AKT3: variants seen among roughly 807,000 people sequenced by gnomAD.
AKT3 encodes AKT serine/threonine kinase 3, also known as RAC-gamma serine/threonine-protein kinase.
Under a neutral mutation model 65.3 loss-of-function variants are expected in AKT3, and 15 were observed. The observed-to-expected ratio is 0.23, with a 90% CI of 0.15 to 0.35. AKT3 has a LOEUF of 0.35. AKT3 is among the 10% of genes least tolerant of loss of function. AKT3 has a pLI of 1.00. For synonymous variants in AKT3, 206 were observed against 183.8 expected (o/e 1.12, Z -0.98); for missense variants, 243 against 576.5 (o/e 0.42, Z 5.92).
chr1:243,819,398 A>C (rs538564049), intron 2 of AKT3, among the ~76,000 whole-genome samples: 72 of 152,322 alleles, frequency 4.7e-4, no homozygotes, highest in African/African-American at 1.7e-3. Flanking sequence ...CTGCCTCTTC[A>C]GGCCAGATCC....
chr1:243,626,398 G>A (rs571932582), intron 6 of AKT3, among the ~76,000 whole-genome samples: 6 of 152,198 alleles, frequency 3.9e-5, no homozygotes, highest in East Asian at 1.9e-4. Context: ...CAATGGGAGC[G>A]CCTCTTAGTC....
chr1:243,831,238 TA>T (rs372457814), intron 2 of AKT3, among the ~76,000 whole-genome samples: 1 of 152,174 alleles, frequency 6.6e-6, no homozygotes, highest in Admixed American at 6.5e-5. Flanking sequence ...GTACAAAATA[TA>T]AAGTTGTATT....
At chr1:243,768,837 A>AAAC (rs893538248) in intron 2 of AKT3, among the ~76,000 whole-genome samples, 6 of 151,946 alleles carry the variant, frequency 3.9e-5, no homozygotes, top group African/African-American at 1.5e-4. Context: ...GCCACAAAAA[A>AAAC]AAAAAAAAAA....
chr1:243,837,679 A>G (rs563035180), intron 2 of AKT3, among the ~76,000 whole-genome samples: 76 of 152,338 alleles, frequency 5.0e-4, no homozygotes, highest in African/African-American at 1.8e-3. Context: ...AAATCTTTAG[A>G]AAAAACTGAC....
chr1:243,489,008 C>T lies in AKT3; in HGVS notation c.*7-558G>A, dbSNP rs373079768. 137 of 1,613,256 alleles carry T rather than the reference C, an allele frequency of 8.5e-5. No individual in the cohort carries two copies. Among genetic ancestry groups the T allele is most frequent in the Non-Finnish European group, 1.1e-4 (129 of 1,180,044 alleles). On this transcript the variant is annotated intron_variant, in intron 13 of 13. Transcript: ENST00000336199. Reference sequence around the variant, plus strand: ...CTCTTTAATTCTGCGGTGGATTTTTCTCCAGGCTAAGGCAGCTGGATAAGC... The same window carrying T: ...CTCTTTAATTCTGCGGTGGATTTTTTTCCAGGCTAAGGCAGCTGGATAAGC...
chr1:243,593,570 C>T (rs1291917214), intron 8 of AKT3, among the ~76,000 whole-genome samples: 2 of 151,994 alleles, frequency 1.3e-5, no homozygotes, highest in Non-Finnish European at 2.9e-5. Flanking sequence ...ACCTGTAGTC[C>T]CAGCTGCTTG....
chr1:243,729,230 A>G (rs9782883), intron 2 of AKT3, among the ~76,000 whole-genome samples: 39,581 of 152,024 alleles, frequency 0.26, 6,076 homozygotes, highest in African/African-American at 0.42. Context: ...AGGCAGTAGC[A>G]GAATGGGAAG....
chr1:243,547,252 T>TACAGCAGACA (rs1311913182), intron 11 of AKT3, among the ~76,000 whole-genome samples: 1 of 152,166 alleles, frequency 6.6e-6, no homozygotes, highest in Non-Finnish European at 1.5e-5. Flanking sequence ...TCCAAACAGA[T>TACAGCAGACA]ACAGCAGACA....
chr1:243,786,910 A>G (rs1175985016), intron 2 of AKT3, among the ~76,000 whole-genome samples: 2 of 152,188 alleles, frequency 1.3e-5, no homozygotes, highest in African/African-American at 2.4e-5. Context: ...GAAGAAAAGG[A>G]AATTAAAGAA....
intron 12 of AKT3, among the ~76,000 whole-genome samples, chr1:243,516,426 AGTTT>A (rs1395105315): frequency 6.6e-6 from 1 of 152,146 alleles, no homozygotes; most frequent in Admixed American, 6.5e-5. Context: ...TCAAAAGCCC[AGTTT>A]TCCTTTCATC....
At chr1:243,742,681 T>C (rs998181189) in intron 2 of AKT3, among the ~76,000 whole-genome samples, 14 of 152,134 alleles carry the variant, frequency 9.2e-5, no homozygotes, top group African/African-American at 2.9e-4. Flanking sequence ...TTTGTGAAAG[T>C]TTTCTTCTCA....
intron 9 of AKT3, among the ~76,000 whole-genome samples, chr1:243,569,145 A>T (rs1487054990): frequency 6.6e-6 from 1 of 152,180 alleles, no homozygotes; most frequent in Non-Finnish European, 1.5e-5. Flanking sequence ...TACTCTGCAC[A>T]TTGCAAGTTT....
At chr1:243,807,354 C>T (rs574031798) in intron 2 of AKT3, among the ~76,000 whole-genome samples, 5 of 152,338 alleles carry the variant, frequency 3.3e-5, no homozygotes, top group Admixed American at 1.3e-4. Context: ...GCTTTTCCAA[C>T]GGACTTAGCA....
At position 243,553,158 on chromosome 1, in the gene AKT3, C is replaced by CA. The variant is rs201132130; in HGVS notation, c.949-216dup. On this transcript the variant is annotated intron_variant, in intron 10 of 13. Transcript: ENST00000673466. ...TATATATCCACAAATGGCCAGTGTA[C>CA]AAAAAAAGGGGCAGGTCGTACAAAA... 0.011 allele frequency among the ~76,000 whole-genome samples: 1,473 copies of CA among 138,192 alleles called. 29 individuals are homozygous for CA. Among genetic ancestry groups the CA allele is most frequent in the African/African-American group, 0.038 (1,422 of 37,026 alleles). 90.7% of individuals were successfully genotyped at this position (138,192 alleles called of 152,430 possible).
intron 8 of AKT3, among the ~76,000 whole-genome samples, chr1:243,607,030 A>G (rs935078106): frequency 1.3e-5 from 2 of 152,256 alleles, no homozygotes; most frequent in Non-Finnish European, 2.9e-5. Flanking sequence ...ACCTCCACCT[A>G]GATTTCAGAG....
intron 4 of AKT3, among the ~76,000 whole-genome samples, chr1:243,661,487 A>G (rs1558694271): frequency 1.3e-5 from 2 of 150,666 alleles, no homozygotes; most frequent in Non-Finnish European, 3.0e-5. Context: ...GGTGCTGGGA[A>G]AACTGGCTAG....
intron 8 of AKT3, 120 bp from the exon 9 acceptor site, chr1:243,573,168 G>C (rs1674686918): frequency 5.2e-6 from 6 of 1,151,590 alleles, no homozygotes; most frequent in Admixed American, 2.6e-5. Context: ...ACTCTCAGTG[G>C]ACACTGAGCA....
At chr1:243,521,261 G>C (rs1287087354) in intron 12 of AKT3, among the ~76,000 whole-genome samples, 1 of 152,158 alleles carries the variant, frequency 6.6e-6, no homozygotes, top group Non-Finnish European at 1.5e-5. Flanking sequence ...ATAGATGTTT[G>C]CAGTAAAGAA....
At chr1:243,812,653 A>G (rs1283979642) in intron 2 of AKT3, among the ~76,000 whole-genome samples, 1 of 152,194 alleles carries the variant, frequency 6.6e-6, no homozygotes, top group Admixed American at 6.5e-5. Flanking sequence ...CATTTGACCC[A>G]GCCATCCCAT....
Sources: gnomAD v4.1 joint callset for allele counts (sites outside exome capture counted in the v4.1 genomes callset) on GRCh38, gnomAD v4.1.1 for gene constraint, MANE v1.5 for transcripts, NCBI Gene and HGNC (gene_info 2026-07-23, HGNC 2026-07-21) for gene names.